Variants in SCAF11 observed in about 807,000 individuals in gnomAD.
SCAF11 encodes protein SCAF11.
SCAF11 carries 47 observed loss-of-function variants against 140.5 expected under a neutral mutation model. The ratio of observed to expected loss-of-function variants is 0.33; its 90% CI spans 0.26 to 0.43. The LOEUF (loss-of-function observed/expected upper bound fraction) is 0.43, where lower values mean the gene tolerates loss of function less well. SCAF11 is among the 20% of genes least tolerant of loss of function. SCAF11 has a pLI of 1.00. For missense variants in SCAF11, 1,645 were observed against 1,705.1 expected (o/e 0.96, Z 0.62); for synonymous variants, 557 against 579.4 (o/e 0.96, Z 0.55).
At chr12:45,924,553 G>A (rs1944800704) in intron 12 of SCAF11, among the ~76,000 whole-genome samples, 175 bp downstream of exon 12, 1 of 152,162 alleles carries the variant, frequency 6.6e-6, no homozygotes, top group Admixed American at 6.5e-5. Context: ...TCTAATTTGG[G>A]AGTTGGGGGG....
At chr12:45,991,682 C>T (rs946876539), upstream of SCAF11, among the ~76,000 whole-genome samples, 17 of 152,312 alleles carry the variant, frequency 1.1e-4, no homozygotes, top group Middle Eastern at 3.4e-3. Context: ...TTTGTTTTAC[C>T]TCGGAGGTAT....
intron 3 of SCAF11, chr12:45,956,318 G>A: frequency 3.3e-6 from 2 of 604,058 alleles, no homozygotes; most frequent in Non-Finnish European, 5.9e-6. Flanking sequence ...ACAAAATAGA[G>A]CATGTTATAC....
rs1026674469 is a variant in SCAF11 at position 45,920,552 on chromosome 12, T to G, written c.*1496A>C. 1.3e-5 allele frequency: 2 copies of G among 150,840 alleles called. No individual in the cohort carries two copies. Among genetic ancestry groups the G allele is most frequent in the Non-Finnish European group, 3.0e-5 (2 of 67,658 alleles). The allele number at this position is 150,840 out of a possible 1,614,324, so 9.3% of individuals were successfully genotyped here. A position where few individuals can be genotyped will look rare whatever the true frequency, so the allele number is the denominator to read the frequency against. Reference sequence around the variant, plus strand: ...GATGCCAGTTAAAATAATGGCACAATAAACATTTTAAACTTACCTTTTATA... The same window carrying G: ...GATGCCAGTTAAAATAATGGCACAAGAAACATTTTAAACTTACCTTTTATA... On this transcript the variant is annotated 3_prime_UTR_variant, in exon 15 of 15. Transcript: ENST00000369367.
At position 45,945,265 on chromosome 12, in the gene SCAF11, G is replaced by A; in HGVS notation, c.447C>T (p.Asp149=). 3 of 1,578,876 alleles carry A rather than the reference G, an allele frequency of 1.9e-6. No individual in the cohort carries two copies. The highest frequency in any genetic ancestry group is 1.7e-6 in the Non-Finnish European group (2 of 1,161,646). ...REDLLSAKVC[D]LKWIHRNSLY... ...GTAACTTACTATGTATCCACTTCAA[G>A]TCACAAACTTTTGCACTTAATAGAT... The change falls in exon 6 of 15, where the codon GAC becomes GAT. Residue 149 remains aspartate (D), a synonymous_variant. Transcript: ENST00000369367.
rs1003853853 is a variant in SCAF11 at position 45,921,025 on chromosome 12, C to T, written c.*1023G>A. ...GAGACGGAGATTTGCTCCTGTTGCC[C>T]AGGCTGGAGTGCAATGGCATGGTCT... is the stretch of plus-strand genomic sequence containing the variant. On this transcript the variant is annotated 3_prime_UTR_variant, in exon 15 of 15. Transcript: ENST00000369367. The T allele has an allele frequency of 2.0e-5, 3 of 151,988 alleles. No individual in the cohort carries two copies. The highest frequency in any genetic ancestry group is 7.3e-5 in the African/African-American group (3 of 41,332). The allele number at this position is 151,988 out of a possible 1,614,324, so 9.4% of individuals were successfully genotyped here.
intron 1 of SCAF11, among the ~76,000 whole-genome samples, chr12:45,982,588 C>G (rs1946373016): frequency 6.6e-6 from 1 of 152,078 alleles, no homozygotes; most frequent in African/African-American, 2.4e-5. Context: ...GCCTGTAATC[C>G]TAGCTACTCA....
intron 1 of SCAF11, among the ~76,000 whole-genome samples, chr12:45,987,386 G>A (rs1199155601): frequency 6.6e-6 from 1 of 152,170 alleles, no homozygotes; most frequent in Non-Finnish European, 1.5e-5. Context: ...TATTTGTAAC[G>A]TTTACAGCTG....
At chr12:45,931,656 A>C (rs1391184130) in intron 9 of SCAF11, 44 bp from the exon 10 acceptor site, 1 of 992,426 alleles carries the variant, frequency 1.0e-6, no homozygotes, top group Non-Finnish European at 1.5e-6. Context: ...GGTTTAAAAA[A>C]TTAAACCACC....
chr12:45,973,133 C>T (rs1214844736), intron 1 of SCAF11, among the ~76,000 whole-genome samples: 1 of 149,272 alleles, frequency 6.7e-6, no homozygotes, highest in Non-Finnish European at 1.5e-5. Context: ...AAAGAACAAC[C>T]AAATGGAAAC....
At chr12:45,975,926 G>A (rs1354635436) in intron 1 of SCAF11, among the ~76,000 whole-genome samples, 1 of 152,084 alleles carries the variant, frequency 6.6e-6, no homozygotes, top group Non-Finnish European at 1.5e-5. Flanking sequence ...TAATAACAAA[G>A]ATATTTGAAA....
At chr12:45,930,435 G>A (rs1175366825) in intron 10 of SCAF11, among the ~76,000 whole-genome samples, 3 of 148,074 alleles carry the variant, frequency 2.0e-5, no homozygotes, top group East Asian at 3.9e-4. Context: ...CAGGTTTTGC[G>A]TTGTGTTTTG....
chr12:45,965,081 A>G (rs116813767), intron 1 of SCAF11, among the ~76,000 whole-genome samples: 1 of 152,190 alleles, frequency 6.6e-6, no homozygotes, highest in African/African-American at 2.4e-5. Flanking sequence ...TAAATCAAGT[A>G]TGGCTAGATT....
At chr12:45,982,932 T>C (rs771849366) in intron 1 of SCAF11, among the ~76,000 whole-genome samples, 10 of 152,124 alleles carry the variant, frequency 6.6e-5, no homozygotes, top group South Asian at 2.1e-4. Context: ...CTTGGAGACA[T>C]AGGATACAGA....
intron 1 of SCAF11, among the ~76,000 whole-genome samples, chr12:45,965,912 T>C (rs1945935577): frequency 6.6e-6 from 1 of 152,254 alleles, no homozygotes; most frequent in Admixed American, 6.5e-5. Flanking sequence ...CTTAGTAGCA[T>C]ATGTAAGAAT....
chr12:45,963,379 G>C (rs978152133), intron 2 of SCAF11, among the ~76,000 whole-genome samples: 6 of 151,802 alleles, frequency 4.0e-5, no homozygotes, highest in Admixed American at 3.3e-4. Context: ...ACCTACAAAA[G>C]AGAATGATAA....
intron 1 of SCAF11, among the ~76,000 whole-genome samples, chr12:45,970,052 C>T (rs1042351831): frequency 2.6e-5 from 4 of 152,222 alleles, no homozygotes; most frequent in African/African-American, 9.6e-5. Context: ...CCCGCCACCA[C>T]GCCCAGCTAA....
rs758683422 is a variant in SCAF11 at position 45,945,258 on chromosome 12, A to T, written c.454T>A (p.Trp152Arg). ...GCAAAAAGTAACTTACTATGTATCC[A>T]CTTCAAGTCACAAACTTTTGCACTT... The part of the protein sequence containing the change: ...LLSAKVCDLK[W>R]IHRNSLYSET... Residue 152 changes from tryptophan (W) to arginine (R), a missense_variant, in exon 6 of 15, where the codon TGG becomes AGG. Around this residue, in one of 2 missense-constraint regions of SCAF11, gnomAD observed 1,582 missense variants for 1,609.2 expected, o/e 0.98. Transcript: ENST00000369367. The T allele has an allele frequency of 6.4e-7, 1 of 1,572,836 alleles. No individual in the cohort carries two copies.
chr12:45,990,681 G>C (rs573837858), upstream of SCAF11: 101 of 903,370 alleles, frequency 1.1e-4, no homozygotes, highest in African/African-American at 1.6e-3. Flanking sequence ...GACGGCGGCA[G>C]CCGGACTCGC....
chr12:45,925,511 T>C (rs1200555739), intron 11 of SCAF11, among the ~76,000 whole-genome samples: 2 of 152,170 alleles, frequency 1.3e-5, no homozygotes, highest in African/African-American at 4.8e-5. Context: ...ATCATGCCAT[T>C]GCACTCCAGC....
Sources: allele counts gnomAD v4.1 joint callset (sites outside exome capture counted in the v4.1 genomes callset), GRCh38; gene constraint gnomAD v4.1.1; regional missense constraint gnomAD v4.1.1; transcripts MANE v1.5; gene names NCBI Gene and HGNC (gene_info 2026-07-23, HGNC 2026-07-21).